C17orf75: variants seen among roughly 807,000 people sequenced by gnomAD.
The protein encoded by C17orf75 is chromosome 17 open reading frame 75.
In C17orf75, 32 loss-of-function variants were observed where a neutral mutation model predicts 49.6. The ratio of observed to expected loss-of-function variants is 0.65; its 90% confidence interval spans 0.49 to 0.87. C17orf75 has a LOEUF of 0.87. Among genes scored for constraint, C17orf75 ranks in the 40% least tolerant of loss-of-function variants. The pLI, the probability that C17orf75 is intolerant of heterozygous loss-of-function variation, is 0.00. For synonymous variants in C17orf75, 158 were observed against 159.5 expected (o/e 0.99, Z 0.07); for missense variants, 428 against 473.9 (o/e 0.90, Z 0.90).
upstream of C17orf75, among the ~76,000 whole-genome samples, chr17:32,346,008 A>G (rs1208414326): frequency 6.6e-6 from 1 of 152,160 alleles, no homozygotes; most frequent in African/African-American, 2.4e-5. Context: ...ACACATATCC[A>G]TAAATATTTC....
Position 32,333,512 on chromosome 17 carries a change from G to A in C17orf75, c.880C>T (p.Arg294Trp), listed in dbSNP as rs767983788. 14 of 1,609,316 alleles carry A rather than the reference G, an allele frequency of 8.7e-6. No individual in the cohort carries two copies. The East Asian group carries it at 1.1e-4, about 13-fold the overall frequency. Residue 294 changes from arginine (R) to tryptophan (W), a missense_variant, in exon 9 of 10, where the codon CGG becomes TGG. By Grantham distance (101) the Arg-to-Trp change is moderately radical. Coordinates refer to ENST00000577809, the MANE Select transcript of C17orf75 (RefSeq NM_022344.4). Reference protein sequence around the residue: ...QPQFCNAGSNRFCEDWMQAFL... With the variant: ...QPQFCNAGSNWFCEDWMQAFL... ...GCTTGCATCCAATCCTCACAAAACC[G>A]GTTACTTCCTATAAAACATTTCAGA...
chr17:32,338,424 A>C, intron 3 of C17orf75, 73 bp from the exon 4 acceptor site: 2 of 1,418,706 alleles, frequency 1.4e-6, no homozygotes, highest in Non-Finnish European at 1.9e-6. Flanking sequence ...GACTGCTCTG[A>C]ATTCTGGTCA....
rs1222675786 is a variant in C17orf75, at chr17:32,331,430, C to CTAAA, written c.*329_*332dup. ...ATGGTTTTTCTGAGAAGAAAAGTTG[C>CTAAA]TAAATACTGCAGCAAACTCAGGCTT... On this transcript the variant is annotated 3_prime_UTR_variant, in exon 10 of 10. Coordinates refer to ENST00000577809, the MANE Select transcript of C17orf75 (RefSeq NM_022344.4). The CTAAA allele has an allele frequency of 4.2e-6, 1 of 239,356 alleles. No individual in the cohort carries two copies. Among genetic ancestry groups the CTAAA allele is most frequent in the African/African-American group, 2.3e-5 (1 of 44,036 alleles). 14.8% of individuals were successfully genotyped at this position (239,356 alleles called of 1,614,324 possible).
chr17:32,331,747 A>G lies in C17orf75; in HGVS notation c.*16T>C. ...AAATATACAACTTGATCATACAATT[A>G]TCTCAAAACATATGATCAAAAACTT... On this transcript the variant is annotated 3_prime_UTR_variant, in exon 10 of 10. Transcript: ENST00000577809. 1 of 1,571,348 alleles carries G rather than the reference A, an allele frequency of 6.4e-7. No homozygotes were observed. The highest frequency in any genetic ancestry group is 8.8e-7 in the Non-Finnish European group (1 of 1,141,434).
upstream of C17orf75, among the ~76,000 whole-genome samples, chr17:32,346,191 A>G (rs2041423859): frequency 6.6e-6 from 1 of 152,066 alleles, no homozygotes; most frequent in African/African-American, 2.4e-5. Flanking sequence ...AAGCTAAGGC[A>G]GGAGGATCAC....
intron 1 of C17orf75, among the ~76,000 whole-genome samples, chr17:32,348,464 G>C (rs2041445271): frequency 6.6e-6 from 1 of 152,196 alleles, no homozygotes; most frequent in Admixed American, 6.5e-5. Flanking sequence ...CCCAGAGGCT[G>C]AGACAAATAA....
upstream of C17orf75, among the ~76,000 whole-genome samples, chr17:32,346,572 ATTT>A (rs149694399): frequency 2.6e-5 from 4 of 151,132 alleles, no homozygotes; most frequent in Non-Finnish European, 5.9e-5. Context: ...TCTAACAGCA[ATTT>A]TTTTTTGTTT....
At position 32,334,587 on chromosome 17, in the gene C17orf75, A is replaced by G; in HGVS notation, c.753T>C (p.Ser251=). The G allele has an allele frequency of 6.2e-7, 1 of 1,611,984 alleles. No homozygotes were observed. Among genetic ancestry groups the G allele is most frequent in the Non-Finnish European group, 8.5e-7 (1 of 1,179,376 alleles). The part of the protein sequence containing the change: ...RDINRFLSVA[S]LQGLIHEGTM... ...TGCCTTCATGAATAAGTCCTTGAAG[A>G]CTGGCCACACTCAGAAACCTGCCAC... The change falls in exon 8 of 10, where the codon AGT becomes AGC. Residue 251 remains serine (S), a synonymous_variant. Transcript: ENST00000577809.
At chr17:32,343,865 T>C, upstream of C17orf75, 3 of 677,982 alleles carry the variant, frequency 4.4e-6, no homozygotes, top group Non-Finnish European at 8.1e-6. Context: ...AAGAACTTCC[T>C]GGAGAGGTTG....
chr17:32,345,184 T>C (rs769327131), upstream of C17orf75, among the ~76,000 whole-genome samples: 6 of 151,328 alleles, frequency 4.0e-5, no homozygotes, highest in Admixed American at 2.0e-4. Flanking sequence ...TCCTTAGAAA[T>C]AGAATTTTAG....
chr17:32,332,751 G>A (rs757026922), intron 9 of C17orf75, among the ~76,000 whole-genome samples: 4 of 152,154 alleles, frequency 2.6e-5, no homozygotes, highest in Non-Finnish European at 4.4e-5. Context: ...GAGTGACAGA[G>A]TAAGATTCTG....
chr17:32,338,694 T>C (rs2041349770), intron 3 of C17orf75, among the ~76,000 whole-genome samples: 1 of 152,180 alleles, frequency 6.6e-6, no homozygotes, highest in Non-Finnish European at 1.5e-5. Context: ...AAATTGATGT[T>C]TAAGGCAGAT....
rs117914887 is a variant in C17orf75 at position 32,339,367 on chromosome 17, C to T, written c.347+446G>A. Reference sequence around the variant, plus strand: ...ATCAACACTTTTCTTCTTCTAAGTACAAAACTTATTAGCCTGGGCAACATG... The same window carrying T: ...ATCAACACTTTTCTTCTTCTAAGTATAAAACTTATTAGCCTGGGCAACATG... On this transcript the variant is annotated intron_variant, in intron 3 of 9. Coordinates refer to ENST00000577809, the MANE Select transcript of C17orf75 (RefSeq NM_022344.4). 3.0e-4 allele frequency among the ~76,000 whole-genome samples: 39 copies of T among 131,244 alleles called. 1 individual carries two copies. In the East Asian group the frequency reaches 8.4e-3, roughly 28 times the overall value. The allele number at this position is 131,244 out of a possible 152,430, so 86.1% of individuals were successfully genotyped here.
chr17:32,345,970 ATATG>A (rs2041422314), upstream of C17orf75, among the ~76,000 whole-genome samples: 1 of 152,148 alleles, frequency 6.6e-6, no homozygotes, highest in Non-Finnish European at 1.5e-5. Context: ...CTCAGCTGAT[ATATG>A]TATCTATACT....
At chr17:32,339,266 C>G (rs2041355629) in intron 3 of C17orf75, among the ~76,000 whole-genome samples, 1 of 151,800 alleles carries the variant, frequency 6.6e-6, no homozygotes, top group Non-Finnish European at 1.5e-5. Context: ...AGAGTATCTG[C>G]TATATTTCCC....
chr17:32,341,151 A>G, intron 2 of C17orf75, 53 bp downstream of exon 2: 1 of 1,566,924 alleles, frequency 6.4e-7, no homozygotes, highest in Non-Finnish European at 8.8e-7. Context: ...TACAGGCCAG[A>G]GATGCAGGGA....
At chr17:32,349,896 C>T (rs374841617) in intron 1 of C17orf75, 3 of 1,052,482 alleles carry the variant, frequency 2.9e-6, no homozygotes, top group Non-Finnish European at 3.5e-6. Flanking sequence ...GCAATCTTTT[C>T]CGTTTTTTTG....
At chr17:32,334,754 T>G in intron 7 of C17orf75, 21 bp downstream of exon 7, 2 of 1,583,482 alleles carry the variant, frequency 1.3e-6, no homozygotes, top group Middle Eastern at 1.7e-4. Context: ...AGCTTTTCTC[T>G]TTGAAAAAAC....
upstream of C17orf75, among the ~76,000 whole-genome samples, chr17:32,344,304 G>A (rs182849005): frequency 2.6e-3 from 389 of 152,268 alleles, 3 homozygotes; most frequent in African/African-American, 6.8e-3. Context: ...CAGGTGGTAC[G>A]TGTTATAGCA....
Sources: gnomAD v4.1 joint callset for allele counts (sites outside exome capture counted in the v4.1 genomes callset) on GRCh38, gnomAD v4.1.1 for gene constraint, MANE v1.5 for transcripts, NCBI Gene and HGNC (gene_info 2026-07-23, HGNC 2026-07-21) for gene names.